Variants in STPG2 observed in about 807,000 individuals in gnomAD.
STPG2 encodes sperm-tail PG-rich repeat-containing protein 2.
Under a neutral mutation model 54.2 loss-of-function variants are expected in STPG2, and 56 were observed. The observed-to-expected ratio is 1.03, with a 90% CI of 0.83 to 1.29. The LOEUF (loss-of-function observed/expected upper bound fraction) is 1.29, where lower values mean the gene tolerates loss of function less well. STPG2 is among the 50% of genes most tolerant of loss of function. The probability of loss-of-function intolerance (pLI) is 0.00; values close to 1 mark genes in which losing one functional copy is unlikely to be tolerated. For missense variants in STPG2, 596 were observed against 544.9 expected (o/e 1.09, Z -0.93); for synonymous variants, 200 against 181.8 (o/e 1.10, Z -0.81).
At chr4:97,638,058 A>G (rs1007084304) in intron 10 of STPG2, among the ~76,000 whole-genome samples, 4 of 152,292 alleles carry the variant, frequency 2.6e-5, no homozygotes, top group African/African-American at 9.6e-5. Context: ...CCAAAAGAAC[A>G]AAGCTGAAGC....
intron 10 of STPG2, among the ~76,000 whole-genome samples, chr4:97,600,690 C>A (rs12506505): frequency 6.6e-6 from 1 of 152,078 alleles, no homozygotes; most frequent in Non-Finnish European, 1.5e-5. Context: ...CACATACACA[C>A]ACAAAAAATA....
At chr4:97,778,707 C>T (rs762104742) in intron 9 of STPG2, among the ~76,000 whole-genome samples, 1 of 152,290 alleles carries the variant, frequency 6.6e-6, no homozygotes, top group East Asian at 1.9e-4. Context: ...ACACCTCACA[C>T]GGCTGGGTAC....
intron 5 of STPG2, among the ~76,000 whole-genome samples, chr4:98,027,522 A>G (rs1044158862): frequency 6.6e-6 from 1 of 152,226 alleles, no homozygotes; most frequent in African/African-American, 2.4e-5. Flanking sequence ...ATCTAGGGCA[A>G]AATTCATCTC....
chr4:97,727,210 A>G (rs1261651010), intron 9 of STPG2, among the ~76,000 whole-genome samples: 2 of 151,906 alleles, frequency 1.3e-5, no homozygotes, highest in Non-Finnish European at 2.9e-5. Context: ...TATAATGTGT[A>G]TATGTAAATG....
intron 10 of STPG2, among the ~76,000 whole-genome samples, chr4:97,679,196 G>A (rs188860444): frequency 2.2e-4 from 34 of 152,260 alleles, no homozygotes; most frequent in African/African-American, 7.7e-4. Context: ...CTGAGGAATC[G>A]CCACACTAAC....
intron 5 of STPG2, among the ~76,000 whole-genome samples, chr4:98,003,396 G>GT (rs879346770): frequency 1.5e-4 from 23 of 149,046 alleles, no homozygotes; most frequent in Admixed American, 4.0e-4. Context: ...TACATCATCA[G>GT]TTTTTTTTTT....
intron 9 of STPG2, among the ~76,000 whole-genome samples, chr4:97,804,351 G>A (rs1262801520): frequency 6.6e-6 from 1 of 152,040 alleles, no homozygotes; most frequent in Non-Finnish European, 1.5e-5. Flanking sequence ...CTGTTGCCTA[G>A]TGACATACTG....
rs1024291071 is a variant in STPG2, at chr4:97,491,968, T to G, written c.462+220731A>C. Among the ~76,000 whole-genome samples the G allele has an allele frequency of 4.6e-5, 7 of 151,364 alleles. No homozygotes were observed. In the Admixed American group the frequency reaches 4.6e-4, roughly 10 times the overall value. ...AGAATAAATGGTGCCCTAGGATAAATGGGTAAAATTTGTACCAACTTTATC... is the reference window on the plus strand; with the variant it reads ...AGAATAAATGGTGCCCTAGGATAAAGGGGTAAAATTTGTACCAACTTTATC... On this transcript the variant is annotated intron_variant, in intron 4 of 4. Coordinates refer to the STPG2 transcript ENST00000522676.
chr4:97,935,210 T>C (rs1732704670), intron 8 of STPG2, among the ~76,000 whole-genome samples: 1 of 152,186 alleles, frequency 6.6e-6, no homozygotes, highest in Admixed American at 6.5e-5. Context: ...ATCCTTTTTA[T>C]CACTTTTTAT....
At chr4:98,006,444 T>C (rs1453814549) in intron 5 of STPG2, among the ~76,000 whole-genome samples, 3 of 152,208 alleles carry the variant, frequency 2.0e-5, no homozygotes. Context: ...CCTATGCATG[T>C]TCTCAGATCT....
At chr4:97,967,068 T>C (rs1734128446) in intron 7 of STPG2, among the ~76,000 whole-genome samples, 1 of 151,380 alleles carries the variant, frequency 6.6e-6, no homozygotes, top group Admixed American at 6.6e-5. Flanking sequence ...GATGGGCAAA[T>C]TGGATAAAGG....
chr4:98,124,813 A>T (rs1739784302), intron 3 of STPG2, among the ~76,000 whole-genome samples: 1 of 152,156 alleles, frequency 6.6e-6, no homozygotes. Flanking sequence ...CATGTATGCC[A>T]GTCAGTCATA....
intron 3 of STPG2, among the ~76,000 whole-genome samples, chr4:98,114,341 T>C (rs1739446928): frequency 6.6e-6 from 1 of 152,108 alleles, no homozygotes; most frequent in Admixed American, 6.6e-5. Flanking sequence ...ATTATGACCA[T>C]AACAGACAGT....
At chr4:98,109,011 C>T (rs1275322405) in intron 4 of STPG2, among the ~76,000 whole-genome samples, 182 bp downstream of exon 4, 2 of 151,910 alleles carry the variant, frequency 1.3e-5, no homozygotes, top group African/African-American at 2.4e-5. Context: ...CACATGTATC[C>T]CAAAACTTAA....
chr4:98,134,808 A>G (rs1182601985), intron 1 of STPG2, among the ~76,000 whole-genome samples: 2 of 151,782 alleles, frequency 1.3e-5, no homozygotes, highest in Non-Finnish European at 3.0e-5. Flanking sequence ...ATTGTTTTAT[A>G]TTTTTAAATA....
At chr4:98,026,222 A>C (rs894994780) in intron 5 of STPG2, 10 of 1,101,642 alleles carry the variant, frequency 9.1e-6, no homozygotes, top group African/African-American at 1.6e-5. Flanking sequence ...AGCTCAAAAG[A>C]AAGCAAGCCC....
chr4:97,707,208 T>C (rs1227245477), intron 10 of STPG2, among the ~76,000 whole-genome samples: 9 of 152,072 alleles, frequency 5.9e-5, no homozygotes, highest in Admixed American at 3.9e-4. Context: ...ATAAGTAAAA[T>C]GTCTGAAGGC....
At chr4:97,466,373 A>C (rs1011375851) in intron 4 of STPG2, among the ~76,000 whole-genome samples, 2 of 152,024 alleles carry the variant, frequency 1.3e-5, no homozygotes, top group African/African-American at 4.8e-5. Flanking sequence ...GGTTAAGATG[A>C]GTATGGTTTC....
At chr4:97,919,187 A>C (rs1251723522) in intron 8 of STPG2, among the ~76,000 whole-genome samples, 1 of 152,098 alleles carries the variant, frequency 6.6e-6, no homozygotes, top group Non-Finnish European at 1.5e-5. Context: ...TGTAGAATTC[A>C]GCTAATGTAG....
Sources: allele counts gnomAD v4.1 joint callset (sites outside exome capture counted in the v4.1 genomes callset), GRCh38; gene constraint gnomAD v4.1.1; transcripts MANE v1.5; gene names NCBI Gene and HGNC (gene_info 2026-07-23, HGNC 2026-07-21).